The following SRCIN1 variants were observed in gnomAD, a reference collection of about 807,000 sequenced individuals.
SRCIN1 encodes the protein SRC kinase signaling inhibitor 1.
A neutral mutation model predicts 116.2 loss-of-function variants in SRCIN1; 50 were observed. That is an observed-to-expected ratio of 0.43 (90% confidence interval 0.34 to 0.54). The LOEUF (loss-of-function observed/expected upper bound fraction) is 0.54. Among genes scored for constraint, SRCIN1 ranks in the 20% least tolerant of loss-of-function variants. SRCIN1 has a pLI of 0.02. For missense variants in SRCIN1, 1,446 were observed against 1,672.0 expected (o/e 0.86, Z 2.36); for synonymous variants, 736 against 750.0 (o/e 0.98, Z 0.30).
At position 38,534,612 on chromosome 17, in the gene SRCIN1, T is replaced by C. The variant is rs570611080; in HGVS notation, c.3418-1181A>G. Among the ~76,000 whole-genome samples the C allele has an allele frequency of 2.0e-5, 3 of 152,278 alleles. No homozygotes were observed. The East Asian group carries it at 5.8e-4, about 29-fold the overall frequency. ...GGCAGGGTCGTTCACTTCCCTCTACTATCACCCTGCTGCTACGGAGTTTTC... is the reference window on the plus strand; with the variant it reads ...GGCAGGGTCGTTCACTTCCCTCTACCATCACCCTGCTGCTACGGAGTTTTC... On this transcript the variant is annotated intron_variant, in intron 18 of 18. Coordinates refer to ENST00000617146, the MANE Select transcript of SRCIN1 (RefSeq NM_025248.3).
chr17:38,564,311 G>T lies in SRCIN1; in HGVS notation c.348C>A (p.Thr116=), dbSNP rs1461810572. 2.6e-6 allele frequency: 4 copies of T among 1,550,024 alleles called. No individual in the cohort carries two copies. The highest frequency in any genetic ancestry group is 1.7e-6 in the Non-Finnish European group (2 of 1,152,110). ...REQPNYWSFK[T]RSSRHTQGAQ... ...CTCCCTGAGTGTGGCGTGAGCTGCGGGTCTGCAGGGGCCGGGCAGGGTGAG... is the reference window on the plus strand; with the variant it reads ...CTCCCTGAGTGTGGCGTGAGCTGCGTGTCTGCAGGGGCCGGGCAGGGTGAG... Residue 116 remains threonine, a splice_region_variant and synonymous_variant, in exon 4 of 19, where the codon ACC becomes ACA. Coordinates refer to ENST00000617146, the MANE Select transcript of SRCIN1 (RefSeq NM_025248.3).
chr17:38,563,637 A>G lies in SRCIN1; in HGVS notation c.542-116T>C. 1 of 1,392,522 alleles carries G rather than the reference A, an allele frequency of 7.2e-7. No homozygotes were observed. The highest frequency in any genetic ancestry group is 1.4e-5 in the African/African-American group (1 of 70,374). The allele number at this position is 1,392,522 out of a possible 1,614,324, so 86.3% of individuals were successfully genotyped here. Reference sequence around the variant, plus strand: ...CCCCGCAGCGGCAGGGTCTGAGGCTAGACGCCGCCCCCGAGTGCAGATGCA... The same window carrying G: ...CCCCGCAGCGGCAGGGTCTGAGGCTGGACGCCGCCCCCGAGTGCAGATGCA... On this transcript the variant is annotated intron_variant, in intron 4 of 18. Transcript: ENST00000617146. This position sits in a 1 kb window ranked among gnomAD's most constrained non-coding sequence, Gnocchi z 5.8.
At chr17:38,578,450 C>T (rs757076532) in intron 2 of SRCIN1, 40 bp downstream of exon 2, 20 of 1,532,782 alleles carry the variant, frequency 1.3e-5, no homozygotes, top group African/African-American at 2.9e-5. Flanking sequence ...TGCCCGCTGG[C>T]CGCGGCCGCA....
In SRCIN1 at chr17:38,564,331, G is replaced by C; in HGVS notation, c.346-18C>G. ...CTGCGGGTCTGCAGGGGCCGGGCAGGGTGAGAGGAACCAAGGATGAGCACC... is the reference window on the plus strand; with the variant it reads ...CTGCGGGTCTGCAGGGGCCGGGCAGCGTGAGAGGAACCAAGGATGAGCACC... On this transcript the variant is annotated intron_variant, in intron 3 of 18. Transcript: ENST00000617146. 1 of 1,526,248 alleles carries C rather than the reference G, an allele frequency of 6.6e-7. No homozygotes were observed. The allele number at this position is 1,526,248 out of a possible 1,614,324, so 94.5% of individuals were successfully genotyped here.
chr17:38,591,822 T>G (rs1300584517), intron 1 of SRCIN1, among the ~76,000 whole-genome samples: 1 of 152,186 alleles, frequency 6.6e-6, no homozygotes, highest in Non-Finnish European at 1.5e-5. Flanking sequence ...GGGTCTGGTC[T>G]GAATCTTAGC....
intron 1 of SRCIN1, among the ~76,000 whole-genome samples, chr17:38,603,225 AAGAGAGAG>A (rs910036917): frequency 6.7e-6 from 1 of 150,366 alleles, no homozygotes; most frequent in Non-Finnish European, 1.5e-5. Flanking sequence ...GAGAGAGAGA[AAGAGAGAG>A]AGAGAGCGCG....
chr17:38,543,112 C>T (rs772479436), intron 18 of SRCIN1: 2 of 456,660 alleles, frequency 4.4e-6, no homozygotes, highest in South Asian at 1.5e-5. Flanking sequence ...ACTCTCCACA[C>T]AGCCTCCGCG....
intron 1 of SRCIN1, among the ~76,000 whole-genome samples, chr17:38,593,466 G>T (rs1292297579): frequency 1.3e-5 from 2 of 152,168 alleles, no homozygotes; most frequent in East Asian, 3.8e-4. Flanking sequence ...CGGAGGGGAA[G>T]GGAGGGTGTA....
chr17:38,536,096 C>T (rs1441727016), intron 18 of SRCIN1, among the ~76,000 whole-genome samples: 1 of 152,224 alleles, frequency 6.6e-6, no homozygotes, highest in Non-Finnish European at 1.5e-5. Flanking sequence ...AGACATCCAG[C>T]TTCACCAGTT....
chr17:38,600,596 T>A (rs1351583474), intron 1 of SRCIN1, among the ~76,000 whole-genome samples: 1 of 152,202 alleles, frequency 6.6e-6, no homozygotes, highest in Non-Finnish European at 1.5e-5. Flanking sequence ...GGGTTGAGCC[T>A]GGGAGGTGAA....
chr17:38,545,891 G>A (rs552626176), intron 17 of SRCIN1, among the ~76,000 whole-genome samples: 5 of 152,328 alleles, frequency 3.3e-5, no homozygotes, highest in Admixed American at 6.5e-5. Context: ...TGGAATGGCC[G>A]AGACCTTTGG....
intron 17 of SRCIN1, chr17:38,547,631 G>C (rs1905145751): frequency 4.3e-6 from 1 of 234,426 alleles, no homozygotes; most frequent in African/African-American, 2.4e-5. Flanking sequence ...CTGTGGCAGT[G>C]GCTGTGGCCA....
intron 8 of SRCIN1, 95 bp from the exon 9 acceptor site, chr17:38,560,192 C>CATCCTGA: frequency 7.1e-7 from 1 of 1,404,642 alleles, no homozygotes; most frequent in Non-Finnish European, 9.6e-7. Context: ...TCCAGCTCTC[C>CATCCTGA]GATCTCAGGA....
In SRCIN1 at chr17:38,569,331, C is replaced by T. The variant is rs550203355; in HGVS notation, c.325-1100G>A. Among the ~76,000 whole-genome samples, 5 of 152,338 alleles carry T rather than the reference C, an allele frequency of 3.3e-5. No individual in the cohort carries two copies. The East Asian group carries it at 9.6e-4, about 29-fold the overall frequency. Reference sequence around the variant, plus strand: ...ACCGGTGCCAGCCTCAGCAGGGAGACAGAGGCAGCAGATGGCCTGGCCCGG... The same window carrying T: ...ACCGGTGCCAGCCTCAGCAGGGAGATAGAGGCAGCAGATGGCCTGGCCCGG... On this transcript the variant is annotated intron_variant, in intron 2 of 18. Transcript: ENST00000617146.
intron 17 of SRCIN1, 64 bp downstream of exon 17, chr17:38,548,493 G>C (rs1289531769): frequency 6.3e-7 from 1 of 1,590,242 alleles, no homozygotes; most frequent in East Asian, 2.2e-5. Flanking sequence ...CCTGGCCTGG[G>C]GGGCAGCCTG....
At chr17:38,571,152 G>A (rs1045882341) in intron 2 of SRCIN1, among the ~76,000 whole-genome samples, 1 of 152,126 alleles carries the variant, frequency 6.6e-6, no homozygotes, top group African/African-American at 2.4e-5. Context: ...TTTAACCCAT[G>A]GGACAGACTA....
At position 38,605,865 on chromosome 17, in the gene SRCIN1, G is replaced by A. The variant is rs1909333174; in HGVS notation, c.-160C>T. ...GCCGGGGTGGACCAGCTGGGAGGGCGCCGGCGGCCGGGCGTGTGGGTGAGC... is the reference window on the plus strand; with the variant it reads ...GCCGGGGTGGACCAGCTGGGAGGGCACCGGCGGCCGGGCGTGTGGGTGAGC... On this transcript the variant is annotated 5_prime_UTR_variant, in exon 1 of 19. Coordinates refer to ENST00000617146, the MANE Select transcript of SRCIN1 (RefSeq NM_025248.3). The A allele has an allele frequency of 1.3e-5, 2 of 152,074 alleles. No individual in the cohort carries two copies. The highest frequency in any genetic ancestry group is 6.8e-5 in the Admixed American group (1 of 14,724). The allele number at this position is 152,074 out of a possible 1,614,324, so 9.4% of individuals were successfully genotyped here. A position where few individuals can be genotyped will look rare whatever the true frequency, so the allele number is the denominator to read the frequency against.
In SRCIN1 at chr17:38,585,176, C is replaced by G. The variant is rs1742832064; in HGVS notation, c.23-6385G>C. On this transcript the variant is annotated intron_variant, in intron 1 of 18. Coordinates refer to ENST00000617146, the MANE Select transcript of SRCIN1 (RefSeq NM_025248.3). This position sits in a 1 kb window ranked among gnomAD's most constrained non-coding sequence, Gnocchi z 4.2. ...AGGGTGAAGACACCAACTCACAAGC[C>G]CACAGGACATGGGGCTAGGCAGGGC... 6.6e-6 allele frequency among the ~76,000 whole-genome samples: 1 copy of G among 152,158 alleles called. No homozygotes were observed. The highest frequency in any genetic ancestry group is 2.4e-5 in the African/African-American group (1 of 41,426).
intron 1 of SRCIN1, among the ~76,000 whole-genome samples, chr17:38,588,429 G>A (rs1333779629): frequency 6.6e-6 from 1 of 152,222 alleles, no homozygotes; most frequent in Non-Finnish European, 1.5e-5. Flanking sequence ...CACTGCTCAC[G>A]CGCCCAGGGA....
Sources: gnomAD v4.1 joint callset for allele counts (sites outside exome capture counted in the v4.1 genomes callset) on GRCh38, gnomAD v4.1.1 for gene constraint, Gnocchi (gnomAD v3.1) non-coding constraint, MANE v1.5 for transcripts, NCBI Gene and HGNC (gene_info 2026-07-23, HGNC 2026-07-21) for gene names.